The following SH3GL2 variants were observed in gnomAD, a reference collection of about 807,000 sequenced individuals.
SH3GL2 encodes SH3 domain containing GRB2 like 2, endophilin A1.
A neutral mutation model predicts 46.0 loss-of-function variants in SH3GL2; 24 were observed. The ratio of observed to expected loss-of-function variants is 0.52; its 90% CI spans 0.38 to 0.73. The LOEUF (loss-of-function observed/expected upper bound fraction) is 0.73, where lower values mean the gene tolerates loss of function less well. Ranked by LOEUF, SH3GL2 falls within the 30% of genes least tolerant of loss-of-function variation. The pLI is 0.00. For synonymous variants in SH3GL2, 196 were observed against 147.1 expected (o/e 1.33, Z -2.40); for missense variants, 413 against 424.2 (o/e 0.97, Z 0.23).
At chr9:17,770,727 C>G (rs1823452771) in intron 3 of SH3GL2, among the ~76,000 whole-genome samples, 1 of 152,208 alleles carries the variant, frequency 6.6e-6, no homozygotes, top group African/African-American at 2.4e-5. Flanking sequence ...CATGTTATGA[C>G]AGCCCAAGGA....
chr9:17,645,842 T>G (rs1819801820), intron 1 of SH3GL2, among the ~76,000 whole-genome samples: 1 of 152,132 alleles, frequency 6.6e-6, no homozygotes, highest in Non-Finnish European at 1.5e-5. Flanking sequence ...ATCTGACGAT[T>G]ATGTGTCTTG....
At chr9:17,679,192 G>T (rs561398175) in intron 1 of SH3GL2, among the ~76,000 whole-genome samples, 1 of 152,124 alleles carries the variant, frequency 6.6e-6, no homozygotes, top group Non-Finnish European at 1.5e-5. Context: ...GCTTGATGGG[G>T]ATGGCATTGA....
In SH3GL2 at chr9:17,793,430, G is replaced by T. The variant is rs1259789323; in HGVS notation, c.792G>T (p.Glu264Asp). ...EYQPKPRMSL[E>D]FPTGDSTQPN... ...AACCTAAACCACGAATGAGCCTGGAGTTTCCAACTGGAGACAGTACTCAGC... is the reference window on the plus strand; with the variant it reads ...AACCTAAACCACGAATGAGCCTGGATTTTCCAACTGGAGACAGTACTCAGC... Residue 264 changes from glutamate to aspartate, a missense_variant, in exon 8 of 9, where the codon GAG becomes GAT. Transcript: ENST00000380607. The T allele has an allele frequency of 6.2e-7, 1 of 1,612,600 alleles. No homozygotes were observed. Among genetic ancestry groups the T allele is most frequent in the Non-Finnish European group, 8.5e-7 (1 of 1,179,486 alleles).
intron 3 of SH3GL2, among the ~76,000 whole-genome samples, chr9:17,772,612 G>A (rs939497690): frequency 4.6e-5 from 7 of 152,006 alleles, no homozygotes; most frequent in African/African-American, 1.4e-4. Flanking sequence ...TTTTTGTGAC[G>A]GCTTTATTTC....
intron 1 of SH3GL2, among the ~76,000 whole-genome samples, chr9:17,697,858 G>A (rs3808702): frequency 0.024 from 3,694 of 152,210 alleles, 110 homozygotes; most frequent in East Asian, 0.11. Flanking sequence ...AATTCTTCTT[G>A]TCTTCTCCTT....
At chr9:17,691,733 A>G (rs974116851) in intron 1 of SH3GL2, among the ~76,000 whole-genome samples, 1 of 152,172 alleles carries the variant, frequency 6.6e-6, no homozygotes, top group African/African-American at 2.4e-5. Flanking sequence ...GCTAATTTGT[A>G]CTATTCACTA....
At chr9:17,598,565 C>A (rs1563776170) in intron 1 of SH3GL2, among the ~76,000 whole-genome samples, 2 of 152,204 alleles carry the variant, frequency 1.3e-5, no homozygotes. Flanking sequence ...CTGCCCACTT[C>A]ATGTCATCTG....
chr9:17,707,673 A>T (rs1821506582), intron 1 of SH3GL2, among the ~76,000 whole-genome samples: 1 of 152,074 alleles, frequency 6.6e-6, no homozygotes, highest in South Asian at 2.1e-4. Flanking sequence ...TTTCTGGATG[A>T]AACTATAGAT....
intron 1 of SH3GL2, among the ~76,000 whole-genome samples, chr9:17,582,819 C>T (rs1423351223): frequency 1.3e-5 from 2 of 152,174 alleles, no homozygotes; most frequent in East Asian, 1.9e-4. Flanking sequence ...CTTCTTAGCT[C>T]TTGTGCTTTG....
chr9:17,680,468 T>C (rs1275956053), intron 1 of SH3GL2, among the ~76,000 whole-genome samples: 2 of 152,196 alleles, frequency 1.3e-5, no homozygotes, highest in Admixed American at 1.3e-4. Flanking sequence ...GTGGGATTGG[T>C]GGTGATATCC....
At chr9:17,736,078 A>C (rs533077821) in intron 1 of SH3GL2, among the ~76,000 whole-genome samples, 3 of 152,060 alleles carry the variant, frequency 2.0e-5, no homozygotes, top group African/African-American at 4.8e-5. Context: ...CATAGGGTGG[A>C]AGCAAAGTGG....
chr9:17,617,043 T>C (rs1254775082), intron 1 of SH3GL2, among the ~76,000 whole-genome samples: 1 of 152,190 alleles, frequency 6.6e-6, no homozygotes, highest in African/African-American at 2.4e-5. Flanking sequence ...TGCCTTCCTT[T>C]CTTTTAGGAA....
intron 1 of SH3GL2, among the ~76,000 whole-genome samples, chr9:17,613,090 T>G (rs2134584626): frequency 6.6e-6 from 1 of 152,336 alleles, no homozygotes; most frequent in Middle Eastern, 3.4e-3. Flanking sequence ...TATCCTAAGC[T>G]TTGATGACCT....
intron 1 of SH3GL2, among the ~76,000 whole-genome samples, chr9:17,627,072 G>A (rs1819298518): frequency 6.6e-6 from 1 of 152,134 alleles, no homozygotes; most frequent in Non-Finnish European, 1.5e-5. Flanking sequence ...AGGTGCCAAA[G>A]ACTGAATAAC....
chr9:17,795,795 C>T lies in SH3GL2; in HGVS notation c.*52C>T, dbSNP rs1824259409. On this transcript the variant is annotated 3_prime_UTR_variant, in exon 9 of 9. Transcript: ENST00000380607. ...TCTTGACCCAGATAGTTACGGTTAA[C>T]CACTGCTTTGGCAATGCTGCTTATA... 6.9e-7 allele frequency: 1 copy of T among 1,452,534 alleles called. No individual in the cohort carries two copies. The highest frequency in any genetic ancestry group is 9.6e-7 in the Non-Finnish European group (1 of 1,044,370). The allele number at this position is 1,452,534 out of a possible 1,614,324, so 90.0% of individuals were successfully genotyped here.
intron 2 of SH3GL2, among the ~76,000 whole-genome samples, chr9:17,748,426 C>T (rs1216066895): frequency 1.3e-5 from 2 of 152,056 alleles, no homozygotes; most frequent in Non-Finnish European, 2.9e-5. Context: ...TTTGATTCTA[C>T]CAGAAGTTTT....
intron 1 of SH3GL2, among the ~76,000 whole-genome samples, chr9:17,726,556 TAGAA>T (rs1822025247): frequency 6.6e-6 from 1 of 151,896 alleles, no homozygotes; most frequent in Non-Finnish European, 1.5e-5. Context: ...TGTTTAAAAA[TAGAA>T]GGGGTATGAA....
rs567950284 is a variant in SH3GL2, at chr9:17,586,077, C to G, written c.45+6790C>G. Among the ~76,000 whole-genome samples the G allele has an allele frequency of 2.0e-5, 3 of 152,266 alleles. No individual in the cohort carries two copies. In the South Asian group the frequency reaches 6.2e-4, roughly 32 times the overall value. On this transcript the variant is annotated intron_variant, in intron 1 of 8. Coordinates refer to ENST00000380607, the MANE Select transcript of SH3GL2 (RefSeq NM_003026.5). ...ACCCTGCCAAGTCTTTTGCATTCTA[C>G]CAACAAAATATTTTCATGCTATACT...
intron 1 of SH3GL2, chr9:17,589,929 G>A (rs1407462826): frequency 3.3e-5 from 5 of 152,174 alleles, no homozygotes; most frequent in Admixed American, 3.3e-4. Context: ...AGGTACATCT[G>A]GTAGACGGTG....
Sources: gnomAD v4.1 joint callset for allele counts (sites outside exome capture counted in the v4.1 genomes callset) on GRCh38, gnomAD v4.1.1 for gene constraint, MANE v1.5 for transcripts, NCBI Gene and HGNC (gene_info 2026-07-23, HGNC 2026-07-21) for gene names.